The following MBP variants were observed in gnomAD, a reference collection of about 807,000 sequenced individuals.
The protein encoded by MBP is Golli-MBP.
MBP carries 16 observed loss-of-function variants against 35.8 expected under a neutral mutation model. The ratio of observed to expected loss-of-function variants is 0.45; its 90% confidence interval spans 0.30 to 0.68. The LOEUF is 0.68. Ranked by LOEUF, MBP falls within the 30% of genes least tolerant of loss-of-function variation. The pLI is 0.08. For missense variants in MBP, 380 were observed against 404.7 expected, an observed-to-expected ratio of 0.94 and a Z score of 0.52; for synonymous variants, 143 against 159.6, an observed-to-expected ratio of 0.90 and a Z score of 0.78.
chr18:77,128,965 T>G (rs1174379772), intron 1 of MBP, among the ~76,000 whole-genome samples: 3 of 152,184 alleles, frequency 2.0e-5, no homozygotes, highest in Admixed American at 6.5e-5. Context: ...CAATTTAAAT[T>G]TTTTTCCAGT....
intron 3 of MBP, among the ~76,000 whole-genome samples, chr18:77,033,891 C>A (rs1194018334): frequency 6.6e-6 from 1 of 151,930 alleles, no homozygotes; most frequent in Non-Finnish European, 1.5e-5. Context: ...CACATCCACC[C>A]ATCTGATACT....
rs1972411132 is a variant in MBP, at chr18:77,029,039, C to T, written c.140-11771G>A. Among the ~76,000 whole-genome samples the T allele has an allele frequency of 1.9e-5, 2 of 107,144 alleles. 1 individual carries two copies. Among genetic ancestry groups the T allele is most frequent in the Non-Finnish European group, 4.8e-5 (2 of 41,982 alleles). The allele number at this position is 107,144 out of a possible 152,430, so 70.3% of individuals were successfully genotyped here. ...CCGGGCAGAGGCTGCAATCTCGGCA[C>T]TTTGGGAGGCCAAGGCAGGCGGCTG... is the stretch of plus-strand genomic sequence containing the variant. On this transcript the variant is annotated intron_variant, in intron 3 of 8. Coordinates refer to ENST00000355994, the MANE Select transcript of MBP (RefSeq NM_001025101.2).
intron 1 of MBP, among the ~76,000 whole-genome samples, chr18:77,118,891 C>T (rs1976800547): frequency 6.6e-6 from 1 of 151,856 alleles, no homozygotes; most frequent in Non-Finnish European, 1.5e-5. Flanking sequence ...ACACCAGACA[C>T]ACACCACACA....
At position 77,068,084 on chromosome 18, in the gene MBP, G is replaced by C. The variant is rs117163525; in HGVS notation, c.52-1699C>G. 7.6e-3 allele frequency among the ~76,000 whole-genome samples: 1,156 copies of C among 152,198 alleles called. 11 individuals carry two copies. The highest frequency in any genetic ancestry group is 0.011 in the Non-Finnish European group (725 of 68,012). ...TCCCATCCCTGGGCAGACAGGAGGG[G>C]ATGGGTGGGTAAGGTCCCCACCAAC... On this transcript the variant is annotated intron_variant, in intron 2 of 8. Coordinates refer to ENST00000355994, the MANE Select transcript of MBP (RefSeq NM_001025101.2).
intron 3 of MBP, among the ~76,000 whole-genome samples, chr18:77,054,986 T>G (rs1973664827): frequency 6.6e-6 from 1 of 152,222 alleles, no homozygotes; most frequent in Non-Finnish European, 1.5e-5. Context: ...CACATTTAAA[T>G]GTCAACATTC....
intron 2 of MBP, chr18:77,095,419 C>A (rs898369265): frequency 6.6e-6 from 1 of 152,210 alleles, no homozygotes; most frequent in African/African-American, 2.4e-5. Flanking sequence ...CAGCACACTG[C>A]AGTCAGATCA....
intron 2 of MBP, chr18:77,097,287 G>A (rs929380615): frequency 6.6e-6 from 1 of 152,256 alleles, no homozygotes; most frequent in Non-Finnish European, 1.5e-5. Context: ...AGGCAGAGGG[G>A]AGCCCTGTGG....
chr18:77,043,411 G>A (rs547532054), intron 3 of MBP, among the ~76,000 whole-genome samples: 1 of 151,720 alleles, frequency 6.6e-6, no homozygotes, highest in South Asian at 2.1e-4. Flanking sequence ...TGTTTTTATC[G>A]CAGGGACAAC....
intron 4 of MBP, among the ~76,000 whole-genome samples, chr18:77,007,505 C>T (rs927840619): frequency 4.6e-5 from 7 of 152,234 alleles, no homozygotes; most frequent in African/African-American, 1.2e-4. Context: ...GCCTCTAGCA[C>T]GCATCCCTGG....
At chr18:76,997,953 A>G (rs1970402617) in intron 4 of MBP, among the ~76,000 whole-genome samples, 1 of 151,974 alleles carries the variant, frequency 6.6e-6, no homozygotes, top group Admixed American at 6.6e-5. Context: ...AAGTGCTGGG[A>G]TTACAGGCGT....
chr18:77,097,469 G>C (rs970497449), intron 2 of MBP: 13 of 152,236 alleles, frequency 8.5e-5, no homozygotes, highest in South Asian at 8.3e-4. Flanking sequence ...TGCTCTGGGC[G>C]ATGTCCTAGG....
At chr18:77,103,013 C>T (rs188278661) in intron 2 of MBP, among the ~76,000 whole-genome samples, 256 of 152,284 alleles carry the variant, frequency 1.7e-3, no homozygotes, top group Non-Finnish European at 2.7e-3. Flanking sequence ...TCAACATTGA[C>T]TAGAACCATT....
At chr18:76,997,968 C>T (rs551344307) in intron 4 of MBP, among the ~76,000 whole-genome samples, 18 of 152,346 alleles carry the variant, frequency 1.2e-4, no homozygotes, top group East Asian at 1.9e-4. Flanking sequence ...AGGCGTGAGC[C>T]ACCACGCCCG....
chr18:77,013,741 A>G, intron 4 of MBP: 4 of 985,420 alleles, frequency 4.1e-6, no homozygotes, highest in Non-Finnish European at 4.8e-6. Context: ...CTAAAAGTAC[A>G]CGGCACGGAG....
At chr18:76,993,494 G>A (rs1970075487) in intron 4 of MBP, among the ~76,000 whole-genome samples, 1 of 148,160 alleles carries the variant, frequency 6.7e-6, no homozygotes, top group Admixed American at 6.9e-5. Context: ...AGGTTGCAGT[G>A]AGCTGAGATT....
chr18:76,981,410 A>C (rs1462559218), intron 8 of MBP: 5 of 152,234 alleles, frequency 3.3e-5, no homozygotes, highest in African/African-American at 1.2e-4. Context: ...TACGTCTTCC[A>C]CACTGCCCAG....
intron 2 of MBP, among the ~76,000 whole-genome samples, chr18:77,079,656 TAATA>T (rs944481870): frequency 2.6e-5 from 4 of 152,210 alleles, no homozygotes; most frequent in Non-Finnish European, 4.4e-5. Flanking sequence ...TTCCTATAAA[TAATA>T]AATATTATTC....
chr18:77,052,104 T>C (rs1434767942), intron 3 of MBP, among the ~76,000 whole-genome samples: 1 of 152,122 alleles, frequency 6.6e-6, no homozygotes, highest in Non-Finnish European at 1.5e-5. Context: ...CTGTGCCCTC[T>C]GAGCCAGAGT....
chr18:77,068,041 G>T (rs921344852), intron 2 of MBP, among the ~76,000 whole-genome samples: 2 of 136,298 alleles, frequency 1.5e-5, no homozygotes, highest in South Asian at 4.6e-4. Context: ...GTGTGTGTTT[G>T]TGTGTGTGTG....
Sources: gnomAD v4.1 joint callset for allele counts (sites outside exome capture counted in the v4.1 genomes callset) on GRCh38, gnomAD v4.1.1 for gene constraint, MANE v1.5 for transcripts, NCBI Gene and HGNC (gene_info 2026-07-23, HGNC 2026-07-21) for gene names.